Variants in TRHDE observed in about 807,000 individuals in gnomAD.
TRHDE encodes the protein thyrotropin releasing hormone degrading enzyme.
In TRHDE, 72 loss-of-function variants were observed where a neutral mutation model predicts 125.7. The observed-to-expected ratio is 0.57, with a 90% confidence interval of 0.47 to 0.70. The LOEUF (loss-of-function observed/expected upper bound fraction) is 0.70. TRHDE is among the 30% of genes least tolerant of loss of function. TRHDE has a pLI of 0.00. For synonymous variants in TRHDE, 509 were observed against 509.1 expected, an observed-to-expected ratio of 1.00 and a Z score of 0.00; for missense variants, 1,110 against 1,327.1, an observed-to-expected ratio of 0.84 and a Z score of 2.54.
chr12:72,321,164 C>G (rs1797646721), intron 2 of TRHDE, among the ~76,000 whole-genome samples: 1 of 152,054 alleles, frequency 6.6e-6, no homozygotes, highest in Admixed American at 6.6e-5. Flanking sequence ...AAATGCTTAT[C>G]TTTTAATTTT....
intron 2 of TRHDE, among the ~76,000 whole-genome samples, chr12:72,195,094 G>T: frequency 6.6e-6 from 1 of 152,102 alleles, no homozygotes. Flanking sequence ...CCAAGCAAAC[G>T]GGGAAAAGCC....
chr12:72,125,687 G>A (rs1875697240), intron 2 of TRHDE, among the ~76,000 whole-genome samples: 1 of 152,090 alleles, frequency 6.6e-6, no homozygotes, highest in South Asian at 2.1e-4. Flanking sequence ...TTCTGGCCAA[G>A]ACAGAATAAC....
Position 72,570,578 on chromosome 12 carries a change from CAAAAAAAAAA to C in TRHDE, c.2131+1940_2131+1949del, listed in dbSNP as rs572094533. 3.5e-3 allele frequency among the ~76,000 whole-genome samples: 203 copies of C among 58,460 alleles called. 1 individual carries two copies. The highest frequency in any genetic ancestry group is 9.6e-3 in the East Asian group (30 of 3,118). 38.4% of individuals were successfully genotyped at this position (58,460 alleles called of 152,430 possible). A position where few individuals can be genotyped will look rare whatever the true frequency, so the allele number is the denominator to read the frequency against. On this transcript the variant is annotated intron_variant, in intron 10 of 18. Transcript: ENST00000261180. The stretch of plus-strand genomic sequence containing the variant: ...CCTGAGTGAGAGAGAGAGACTGTCT[CAAAAAAAAAA>C]AAAAAAAAAAAAAAAAAGAGTAGTA...
intron 2 of TRHDE, among the ~76,000 whole-genome samples, chr12:72,154,060 C>T (rs1876440199): frequency 6.6e-6 from 1 of 152,122 alleles, no homozygotes; most frequent in South Asian, 2.1e-4. Context: ...TAAGGACTTG[C>T]TTTATGAATC....
At chr12:72,486,096 G>A (rs1877394501) in intron 5 of TRHDE, among the ~76,000 whole-genome samples, 1 of 152,118 alleles carries the variant, frequency 6.6e-6, no homozygotes, top group African/African-American at 2.4e-5. Flanking sequence ...AGCCACTGGA[G>A]AACCTATTTT....
intron 12 of TRHDE, among the ~76,000 whole-genome samples, chr12:72,615,676 T>G (rs1872786921): frequency 6.6e-6 from 1 of 152,146 alleles, no homozygotes; most frequent in South Asian, 2.1e-4. Flanking sequence ...GAGGGCAATT[T>G]GAGTATAATC....
chr12:72,304,211 T>G (rs1868305685), intron 2 of TRHDE, among the ~76,000 whole-genome samples: 1 of 152,198 alleles, frequency 6.6e-6, no homozygotes, highest in African/African-American at 2.4e-5. Flanking sequence ...ATATATAATA[T>G]TTTGCCCTTA....
chr12:72,551,077 A>G (rs780096545), intron 7 of TRHDE, among the ~76,000 whole-genome samples: 4 of 152,090 alleles, frequency 2.6e-5, no homozygotes, highest in Non-Finnish European at 4.4e-5. Flanking sequence ...ATATAGTTAT[A>G]AAATAAAAGT....
chr12:72,253,567 G>A (rs1283148426), intron 2 of TRHDE: 1 of 152,070 alleles, frequency 6.6e-6, no homozygotes, highest in Non-Finnish European at 1.5e-5. Context: ...AGATTGAGTA[G>A]AAGGTACAGA....
At chr12:72,518,695 T>C (rs918297826) in intron 6 of TRHDE, among the ~76,000 whole-genome samples, 1 of 152,110 alleles carries the variant, frequency 6.6e-6, no homozygotes, top group African/African-American at 2.4e-5. Context: ...ATTATGATGT[T>C]AGCTGGTTAT....
chr12:72,375,585 G>T (rs146757244), intron 2 of TRHDE, among the ~76,000 whole-genome samples: 1 of 151,978 alleles, frequency 6.6e-6, no homozygotes, highest in South Asian at 2.1e-4. Context: ...GAGTAGTTCC[G>T]GTTATGGTTT....
At chr12:72,248,506 C>CTAA (rs111509543) in intron 2 of TRHDE, among the ~76,000 whole-genome samples, 1 of 150,948 alleles carries the variant, frequency 6.6e-6, no homozygotes, top group Non-Finnish European at 1.5e-5. Context: ...AAATGCTTTT[C>CTAA]CTGATTGTGA....
chr12:72,278,341 A>T (rs1022072688), intron 1 of TRHDE, among the ~76,000 whole-genome samples: 3 of 152,136 alleles, frequency 2.0e-5, no homozygotes, highest in African/African-American at 7.2e-5. Flanking sequence ...CCATTCATTG[A>T]TGAACTCTTA....
At chr12:72,215,248 G>A (rs530925154) in intron 2 of TRHDE, among the ~76,000 whole-genome samples, 170 of 152,116 alleles carry the variant, frequency 1.1e-3, no homozygotes, top group African/African-American at 3.5e-3. Context: ...GCCAGGATGA[G>A]CCAGGAAAAG....
intron 10 of TRHDE, among the ~76,000 whole-genome samples, chr12:72,569,976 G>A (rs1045639190): frequency 1.3e-5 from 2 of 152,184 alleles, no homozygotes; most frequent in Non-Finnish European, 2.9e-5. Flanking sequence ...AGGGAGAGCA[G>A]TGAGTTGTTA....
At chr12:72,305,142 T>G (rs1868321380) in intron 2 of TRHDE, among the ~76,000 whole-genome samples, 1 of 152,188 alleles carries the variant, frequency 6.6e-6, no homozygotes, top group Non-Finnish European at 1.5e-5. Flanking sequence ...TACATGTGTG[T>G]TATATCATTT....
intron 3 of TRHDE, among the ~76,000 whole-genome samples, chr12:72,456,178 G>C (rs763430413): frequency 7.0e-5 from 9 of 129,230 alleles, no homozygotes; most frequent in African/African-American, 1.7e-4. Flanking sequence ...CACACACACA[G>C]AGACTCAGAG....
chr12:72,542,209 AG>A (rs1869185259), intron 6 of TRHDE, 81 bp from the exon 7 acceptor site: 7 of 958,348 alleles, frequency 7.3e-6, no homozygotes, highest in Non-Finnish European at 1.1e-5. Flanking sequence ...GCATGAATGA[AG>A]TAGACTAGAT....
intron 2 of TRHDE, among the ~76,000 whole-genome samples, chr12:72,200,368 G>C (rs191888021): frequency 6.6e-6 from 1 of 152,190 alleles, no homozygotes; most frequent in African/African-American, 2.4e-5. Context: ...TTTAAGGAAC[G>C]TGAAGTCTAT....
Sources: gnomAD v4.1 joint callset for allele counts (sites outside exome capture counted in the v4.1 genomes callset) on GRCh38, gnomAD v4.1.1 for gene constraint, MANE v1.5 for transcripts, NCBI Gene and HGNC (gene_info 2026-07-23, HGNC 2026-07-21) for gene names.